The following CD8B variants were observed in gnomAD, a reference collection of about 807,000 sequenced individuals.
The protein encoded by CD8B is CD8 subunit beta.
In CD8B, 6 loss-of-function variants were observed where a neutral mutation model predicts 24.2. The observed-to-expected ratio is 0.25, with a 90% CI of 0.14 to 0.49. CD8B has a LOEUF of 0.49. Among genes scored for constraint, CD8B ranks in the 20% least tolerant of loss-of-function variants. CD8B has a pLI of 0.98. For missense variants in CD8B, 196 were observed against 271.3 expected, an observed-to-expected ratio of 0.72 and a Z score of 1.95; for synonymous variants, 84 against 108.3, an observed-to-expected ratio of 0.78 and a Z score of 1.39.
intron 3 of CD8B, among the ~76,000 whole-genome samples, chr2:86,849,032 C>T (rs1675838723): frequency 6.6e-6 from 1 of 151,592 alleles, no homozygotes; most frequent in South Asian, 2.1e-4. Context: ...TTATTTTTAC[C>T]TCTCATTTCA....
intron 1 of CD8B, among the ~76,000 whole-genome samples, chr2:86,859,880 C>T (rs573942485): frequency 1.3e-5 from 2 of 151,990 alleles, no homozygotes; most frequent in Non-Finnish European, 2.9e-5. Flanking sequence ...GCTCAGGCTC[C>T]GTGGCCCCAT....
rs754692260 is a variant in CD8B, at chr2:86,858,256, C to T, written c.204G>A (p.Glu68=). 3 of 1,614,042 alleles carry T rather than the reference C, an allele frequency of 1.9e-6. No homozygotes were observed. The highest frequency in any genetic ancestry group is 2.5e-6 in the Non-Finnish European group (3 of 1,179,884). Residue 68 remains glutamate, a synonymous_variant, in exon 2 of 6, where the codon GAG becomes GAA. Transcript: ENST00000390655. ...RQAPSSDSHH[E]FLALWDSAKG... is the part of the protein sequence containing the mutation. ...TTGCGGAATCCCAGAGGGCCAGGAA[C>T]TCGTGGTGACTGTCACTGCTCGGTG...
At chr2:86,847,451 T>C (rs1481005985) in intron 3 of CD8B, among the ~76,000 whole-genome samples, 1 of 152,232 alleles carries the variant, frequency 6.6e-6, no homozygotes, top group Non-Finnish European at 1.5e-5. Flanking sequence ...CTCCCTGACA[T>C]CTTTGCTCCT....
intron 5 of CD8B, among the ~76,000 whole-genome samples, chr2:86,830,904 T>G (rs1674882257): frequency 6.6e-6 from 1 of 152,162 alleles, no homozygotes; most frequent in African/African-American, 2.4e-5. Flanking sequence ...TTTATTAGAT[T>G]TTGTTATTAA....
Position 86,846,766 on chromosome 2 carries a change from A to T in CD8B, c.501T>A (p.Leu167=). 2 of 1,576,386 alleles carry T rather than the reference A, an allele frequency of 1.3e-6. No individual in the cohort carries two copies. The highest frequency in any genetic ancestry group is 1.7e-6 in the Non-Finnish European group (2 of 1,159,838). Residue 167 remains leucine (L), a synonymous_variant, in exon 4 of 6, where the codon CTT becomes CTA. Coordinates refer to ENST00000390655, the MANE Select transcript of CD8B (RefSeq NM_004931.5). ...GCAGGCCAAGGGTGATGGGGCTACAAAGTGGGCCTGGAAAACACACATGTG... is the reference window on the plus strand; with the variant it reads ...GCAGGCCAAGGGTGATGGGGCTACATAGTGGGCCTGGAAAACACACATGTG... ...LPRPETQKGP[L]CSPITLGLLV... is the part of the protein sequence containing the mutation.
At chr2:86,827,532 A>G (rs116350597) in intron 5 of CD8B, among the ~76,000 whole-genome samples, 1,688 of 151,912 alleles carry the variant, frequency 0.011, 36 homozygotes, top group African/African-American at 0.039. Flanking sequence ...CTAAGTGGGA[A>G]GATCACTGGA....
At chr2:86,850,774 A>T (rs1675934668) in intron 3 of CD8B, among the ~76,000 whole-genome samples, 1 of 152,122 alleles carries the variant, frequency 6.6e-6, no homozygotes, top group African/African-American at 2.4e-5. Flanking sequence ...TGCCCTGGGA[A>T]TTTACTGAGG....
chr2:86,815,723 C>CA, intron 5 of CD8B: 1 of 1,507,498 alleles, frequency 6.6e-7, no homozygotes, highest in Non-Finnish European at 9.2e-7. Flanking sequence ...TGAGGCCTTG[C>CA]AAAAAGAAAA....
At chr2:86,822,384 A>G (rs1408168739) in intron 5 of CD8B, 2 of 1,543,216 alleles carry the variant, frequency 1.3e-6, no homozygotes, top group Non-Finnish European at 1.8e-6. Flanking sequence ...TCTTGGCACA[A>G]TAGAGTATGA....
intron 2 of CD8B, among the ~76,000 whole-genome samples, chr2:86,856,241 C>T (rs947779842): frequency 3.9e-5 from 6 of 152,084 alleles, no homozygotes; most frequent in South Asian, 4.2e-4. Context: ...GGAGTGAGTG[C>T]GGTTGGGATG....
chr2:86,828,306 T>TTGTG (rs72236144), intron 5 of CD8B, among the ~76,000 whole-genome samples: 2,240 of 143,468 alleles, frequency 0.016, 70 homozygotes, highest in East Asian at 0.09. Flanking sequence ...ATAACTGGAA[T>TTGTG]TGTGTGTGTG....
exon 6 of CD8B, chr2:86,815,710 C>T (rs1190103195): frequency 7.6e-6 from 12 of 1,571,444 alleles, no homozygotes; most frequent in African/African-American, 4.0e-5. Context: ...TATACCTTCC[C>T]CTTGAGGCCT....
intron 2 of CD8B, among the ~76,000 whole-genome samples, chr2:86,857,382 C>A (rs1676319161): frequency 6.6e-6 from 1 of 152,124 alleles, no homozygotes; most frequent in Admixed American, 6.5e-5. Context: ...TTTGAATGTC[C>A]CTGATGTGGC....
intron 5 of CD8B, among the ~76,000 whole-genome samples, chr2:86,830,031 C>T (rs1490486597): frequency 6.6e-6 from 1 of 152,138 alleles, no homozygotes; most frequent in African/African-American, 2.4e-5. Flanking sequence ...GATGTATTCT[C>T]ATTTATTTCA....
At chr2:86,835,386 C>T (rs78820452), downstream of CD8B, among the ~76,000 whole-genome samples, 25,880 of 152,162 alleles carry the variant, frequency 0.17, 2,313 homozygotes, top group East Asian at 0.23. Context: ...GAGGCAGGGA[C>T]GACCCAAACT....
chr2:86,843,835 G>A (rs143191913), intron 5 of CD8B, among the ~76,000 whole-genome samples: 5 of 152,154 alleles, frequency 3.3e-5, no homozygotes, highest in East Asian at 1.9e-4. Flanking sequence ...ACTTGGAGAC[G>A]TGAAGTGACT....
chr2:86,861,524 C>G (rs1465161463), intron 1 of CD8B, among the ~76,000 whole-genome samples: 3 of 152,238 alleles, frequency 2.0e-5, no homozygotes, highest in Non-Finnish European at 2.9e-5. Flanking sequence ...TCCAGCGACC[C>G]TCTCTTTCCT....
intron 5 of CD8B, chr2:86,821,815 TC>T: frequency 2.9e-6 from 1 of 349,892 alleles, no homozygotes; most frequent in South Asian, 2.0e-5. Flanking sequence ...AAGGGAATGT[TC>T]CGAGCCCCCT....
chr2:86,817,334 A>G (rs1465177375), intron 5 of CD8B, among the ~76,000 whole-genome samples: 2 of 152,210 alleles, frequency 1.3e-5, no homozygotes, highest in Non-Finnish European at 1.5e-5. Context: ...TTGATGTATA[A>G]GAGTGTTCAC....
Sources: gnomAD v4.1 joint callset for allele counts (sites outside exome capture counted in the v4.1 genomes callset) on GRCh38, gnomAD v4.1.1 for gene constraint, MANE v1.5 for transcripts, NCBI Gene and HGNC (gene_info 2026-07-23, HGNC 2026-07-21) for gene names.